ZNF134: variants seen among roughly 807,000 people sequenced by gnomAD.
ZNF134 encodes zinc finger protein 134.
ZNF134 carries 5 observed loss-of-function variants against 2.5 expected under a neutral mutation model. The ratio of observed to expected loss-of-function variants is 2.03; its 90% CI spans 1.06 to 4.27. The LOEUF (loss-of-function observed/expected upper bound fraction) is 4.27. Among genes scored for constraint, ZNF134 ranks in the 30% most tolerant of loss-of-function variants. ZNF134 has a pLI of 0.00. For missense variants in ZNF134, 540 were observed against 517.5 expected, an observed-to-expected ratio of 1.04 and a Z score of -0.42; for synonymous variants, 176 against 176.2, an observed-to-expected ratio of 1.00 and a Z score of 0.01.
In ZNF134 at chr19:57,623,273, A is replaced by G. The variant is rs531261537; in HGVS notation, c.*1870A>G. On this transcript the variant is annotated 3_prime_UTR_variant, in exon 3 of 3. Transcript: ENST00000396161. ...TTAAAATTACTGAGTCATATTCTGT[A>G]TGGATATACCACAGTTTATCCATTT... 2.6e-5 allele frequency: 4 copies of G among 152,272 alleles called. No homozygotes were observed. Among genetic ancestry groups the G allele is most frequent in the South Asian group, 2.1e-4 (1 of 4,826 alleles). The allele number at this position is 152,272 out of a possible 1,614,324, so 9.4% of individuals were successfully genotyped here.
rs1981242236 is a variant in ZNF134, at chr19:57,622,133, T to G, written c.*730T>G. The G allele has an allele frequency of 6.5e-6, 1 of 154,870 alleles. No homozygotes were observed. Among genetic ancestry groups the G allele is most frequent in the East Asian group, 1.9e-4 (1 of 5,216 alleles). The allele number at this position is 154,870 out of a possible 1,614,324, so 9.6% of individuals were successfully genotyped here. On this transcript the variant is annotated 3_prime_UTR_variant, in exon 3 of 3. Transcript: ENST00000396161. ...ATTAAGATCTTGTGTAGACCTGATT[T>G]GTCTGGATTTTAGAGTTATTTGAGA...
Position 57,624,077 on chromosome 19 carries a change from C to T in ZNF134, c.*2674C>T, listed in dbSNP as rs1981309460. The stretch of plus-strand genomic sequence containing the variant: ...AGGATGACTCAGAGCAGAGGAGAGT[C>T]CAGTGGGCAGAGTCCTGAACCATGT... On this transcript the variant is annotated 3_prime_UTR_variant, in exon 3 of 3. Transcript: ENST00000396161. 1 of 152,200 alleles carries T rather than the reference C, an allele frequency of 6.6e-6. No homozygotes were observed. Among genetic ancestry groups the T allele is most frequent in the Non-Finnish European group, 1.5e-5 (1 of 68,044 alleles). 9.4% of individuals were successfully genotyped at this position (152,200 alleles called of 1,614,324 possible).
intron 2 of ZNF134, chr19:57,619,724 C>T (rs1981143668): frequency 1.7e-6 from 1 of 590,880 alleles, no homozygotes; most frequent in Non-Finnish European, 3.0e-6. Flanking sequence ...AGAGCAATAG[C>T]TCTCTCTGCG....
chr19:57,619,355 A>G (rs1200385807), intron 1 of ZNF134, 57 bp from the exon 2 acceptor site: 3 of 1,359,482 alleles, frequency 2.2e-6, no homozygotes, highest in Non-Finnish European at 3.1e-6. Flanking sequence ...TGGGTGGGCT[A>G]CTCTGGCTAG....
At chr19:57,615,285 G>C (rs1981021179) in intron 1 of ZNF134, among the ~76,000 whole-genome samples, 1 of 152,004 alleles carries the variant, frequency 6.6e-6, no homozygotes, top group South Asian at 2.1e-4. Flanking sequence ...GACTTCAATG[G>C]GTGAGGCATA....
At chr19:57,615,596 G>A (rs1451681554) in intron 1 of ZNF134, among the ~76,000 whole-genome samples, 1 of 152,154 alleles carries the variant, frequency 6.6e-6, no homozygotes, top group African/African-American at 2.4e-5. Flanking sequence ...AGAGCACACT[G>A]AACAAAGGAG....
rs1416857400 is a variant in ZNF134, at chr19:57,622,096, T to TGTAATTATGACAAA, written c.*695_*696insAATTATGACAAAGT. 1 of 158,440 alleles carries TGTAATTATGACAAA rather than the reference T, an allele frequency of 6.3e-6. No homozygotes were observed. Among genetic ancestry groups the TGTAATTATGACAAA allele is most frequent in the Non-Finnish European group, 1.4e-5 (1 of 71,296 alleles). 9.8% of individuals were successfully genotyped at this position (158,440 alleles called of 1,614,324 possible). A position where few individuals can be genotyped will look rare whatever the true frequency, so the allele number is the denominator to read the frequency against. The stretch of plus-strand genomic sequence containing the variant: ...GTTAACTTCCATAGCTGACAAAGCT[T>TGTAATTATGACAAA]GTTAAGTAAGAATTAAGATCTTGTG... On this transcript the variant is annotated 3_prime_UTR_variant, in exon 3 of 3. Transcript: ENST00000396161.
rs924717821 is a variant in ZNF134 at position 57,623,232 on chromosome 19, G to A, written c.*1829G>A. On this transcript the variant is annotated 3_prime_UTR_variant, in exon 3 of 3. Transcript: ENST00000396161. ...ATAATTTGAAATTTGTCCATGGTAT[G>A]TATGAACAGTCCATTTTAAAATTAC... 1.4e-4 allele frequency: 22 copies of A among 152,064 alleles called. No individual in the cohort carries two copies. The highest frequency in any genetic ancestry group is 5.3e-4 in the African/African-American group (22 of 41,398). The allele number at this position is 152,064 out of a possible 1,614,324, so 9.4% of individuals were successfully genotyped here.
At chr19:57,616,836 C>A (rs1432514679) in intron 1 of ZNF134, among the ~76,000 whole-genome samples, 2 of 152,102 alleles carry the variant, frequency 1.3e-5, no homozygotes, top group African/African-American at 4.8e-5. Context: ...CCAACACACC[C>A]CCATTATCTC....
chr19:57,617,573 T>C (rs184596249), intron 1 of ZNF134, among the ~76,000 whole-genome samples: 1 of 152,284 alleles, frequency 6.6e-6, no homozygotes, highest in Admixed American at 6.5e-5. Flanking sequence ...ATCTACCATG[T>C]TCCAAAGACA....
Position 57,621,111 on chromosome 19 carries a change from T to C in ZNF134, c.992T>C (p.Leu331Pro), listed in dbSNP as rs1213521964. 6.2e-7 allele frequency: 1 copy of C among 1,614,250 alleles called. No homozygotes were observed. Among genetic ancestry groups the C allele is most frequent in the Admixed American group, 1.7e-5 (1 of 60,034 alleles). ...CGKSFGHKYT[L>P]IKHQRIHTES... Reference sequence around the variant, plus strand: ...AAATCCTTTGGCCACAAATACACCCTCATTAAACATCAGCGAATTCACACT... The same window carrying C: ...AAATCCTTTGGCCACAAATACACCCCCATTAAACATCAGCGAATTCACACT... Residue 331 changes from leucine (L) to proline (P), a missense_variant, in exon 3 of 3, where the codon CTC becomes CCC. Physicochemically the swap from Leu to Pro is moderately conservative, Grantham distance 98 (BLOSUM62 -3). Coordinates refer to ENST00000396161, the MANE Select transcript of ZNF134 (RefSeq NM_003435.5).
At chr19:57,619,560 C>T in intron 2 of ZNF134, 52 bp downstream of exon 2, 1 of 1,538,876 alleles carries the variant, frequency 6.5e-7, no homozygotes, top group Non-Finnish European at 8.7e-7. Context: ...TCCTGTAGTT[C>T]CGGAAACCTA....
Position 57,621,077 on chromosome 19 carries a change from G to A in ZNF134, c.958G>A (p.Asp320Asn), listed in dbSNP as rs865925273. 1.9e-6 allele frequency: 3 copies of A among 1,614,218 alleles called. No homozygotes were observed. The Middle Eastern group carries it at 4.9e-4, about 266-fold the overall frequency. Residue 320 changes from aspartate (D) to asparagine (N), a missense_variant, in exon 3 of 3, where the codon GAT becomes AAT. Coordinates refer to ENST00000396161, the MANE Select transcript of ZNF134 (RefSeq NM_003435.5). ...HTGENPYDCS[D>N]CGKSFGHKYT... ...TGGAGAAAATCCTTATGATTGCAGTGATTGTGGGAAATCCTTTGGCCACAA... is the reference window on the plus strand; with the variant it reads ...TGGAGAAAATCCTTATGATTGCAGTAATTGTGGGAAATCCTTTGGCCACAA...
intron 1 of ZNF134, among the ~76,000 whole-genome samples, chr19:57,616,641 G>A (rs1243919315): frequency 6.6e-6 from 1 of 152,206 alleles, no homozygotes; most frequent in Non-Finnish European, 1.5e-5. Flanking sequence ...AGTTAGAGAG[G>A]TAACCCAAAA....
chr19:57,621,861 T>G lies in ZNF134; in HGVS notation c.*458T>G, dbSNP rs1477339245. On this transcript the variant is annotated 3_prime_UTR_variant, in exon 3 of 3. Transcript: ENST00000396161. ...TTTCCAGCCTCCAAGTCACCTGGCC[T>G]GGGAAAGTACTTGCCTCATGTTGCT... 1 of 296,936 alleles carries G rather than the reference T, an allele frequency of 3.4e-6. No individual in the cohort carries two copies. Among genetic ancestry groups the G allele is most frequent in the Admixed American group, 4.4e-5 (1 of 22,758 alleles). The allele number at this position is 296,936 out of a possible 1,614,324, so 18.4% of individuals were successfully genotyped here. A position where few individuals can be genotyped will look rare whatever the true frequency, so the allele number is the denominator to read the frequency against.
Position 57,614,358 on chromosome 19 carries a change from C to T in ZNF134, c.-203C>T, listed in dbSNP as rs1442379673. ...GCGGGAGAAGTCGCTGTTCGCTCTGCGGAGTGGCTCGCCAGCGAAGACCCC... is the reference window on the plus strand; with the variant it reads ...GCGGGAGAAGTCGCTGTTCGCTCTGTGGAGTGGCTCGCCAGCGAAGACCCC... On this transcript the variant is annotated 5_prime_UTR_variant, in exon 1 of 3. Coordinates refer to ENST00000396161, the MANE Select transcript of ZNF134 (RefSeq NM_003435.5). 1 of 454,438 alleles carries T rather than the reference C, an allele frequency of 2.2e-6. No individual in the cohort carries two copies. The highest frequency in any genetic ancestry group is 4.4e-6 in the Non-Finnish European group (1 of 226,128). 28.2% of individuals were successfully genotyped at this position (454,438 alleles called of 1,614,324 possible).
chr19:57,614,499 C>T lies in ZNF134; in HGVS notation c.-62C>T, dbSNP rs1371190626. The T allele has an allele frequency of 2.6e-6, 1 of 381,144 alleles. No homozygotes were observed. The allele number at this position is 381,144 out of a possible 1,614,324, so 23.6% of individuals were successfully genotyped here. A position where few individuals can be genotyped will look rare whatever the true frequency, so the allele number is the denominator to read the frequency against. On this transcript the variant is annotated 5_prime_UTR_variant, in exon 1 of 3. Coordinates refer to ENST00000396161, the MANE Select transcript of ZNF134 (RefSeq NM_003435.5). Reference sequence around the variant, plus strand: ...GCGGCGGCCGCGGTGATGGGCCCGGCGCAGGTGGGTGCTGCCTTTCCCAGA... The same window carrying T: ...GCGGCGGCCGCGGTGATGGGCCCGGTGCAGGTGGGTGCTGCCTTTCCCAGA...
intron 1 of ZNF134, 93 bp from the exon 2 acceptor site, chr19:57,619,319 A>G (rs1568629940): frequency 1.0e-6 from 1 of 971,680 alleles, no homozygotes; most frequent in Non-Finnish European, 1.6e-6. Flanking sequence ...TTCATTTTGT[A>G]GCATTTGTTT....
chr19:57,619,645 C>A, intron 2 of ZNF134, 137 bp downstream of exon 2: 1 of 976,502 alleles, frequency 1.0e-6, no homozygotes. Context: ...TCTGTACACT[C>A]TTGTCATTTC....
Sources: allele counts gnomAD v4.1 joint callset (sites outside exome capture counted in the v4.1 genomes callset), GRCh38; gene constraint gnomAD v4.1.1; transcripts MANE v1.5; gene names NCBI Gene and HGNC (gene_info 2026-07-23, HGNC 2026-07-21).